ATP8A2: variants seen among roughly 807,000 people sequenced by gnomAD.
ATP8A2 encodes phospholipid-transporting ATPase IB.
A neutral mutation model predicts 165.6 loss-of-function variants in ATP8A2; 100 were observed. That is an observed-to-expected ratio of 0.60 (90% CI 0.51 to 0.71). ATP8A2 has a LOEUF of 0.71. Among genes scored for constraint, ATP8A2 ranks in the 30% least tolerant of loss-of-function variants. ATP8A2 has a pLI of 0.00. For synonymous variants in ATP8A2, 543 were observed against 548.8 expected, an observed-to-expected ratio of 0.99 and a Z score of 0.15; for missense variants, 1,227 against 1,479.5, an observed-to-expected ratio of 0.83 and a Z score of 2.80.
intron 23 of ATP8A2, among the ~76,000 whole-genome samples, chr13:25,582,423 T>C (rs527757872): frequency 6.6e-6 from 1 of 152,188 alleles, no homozygotes; most frequent in Non-Finnish European, 1.5e-5. Flanking sequence ...GAGATGAAAA[T>C]TGAAGAAAAG....
intron 2 of ATP8A2, among the ~76,000 whole-genome samples, chr13:25,511,680 T>C (rs1017843307): frequency 7.9e-5 from 12 of 152,208 alleles, no homozygotes; most frequent in Non-Finnish European, 4.4e-5. Flanking sequence ...TTTCTTCTTA[T>C]AAATAGGCTC....
intron 25 of ATP8A2, among the ~76,000 whole-genome samples, chr13:25,747,712 A>G (rs2044065212): frequency 6.6e-6 from 1 of 152,172 alleles, no homozygotes; most frequent in Non-Finnish European, 1.5e-5. Context: ...TAACAATTTC[A>G]TTTAACCTTT....
At chr13:26,002,271 A>G (rs1380221119) in intron 35 of ATP8A2, among the ~76,000 whole-genome samples, 4 of 152,286 alleles carry the variant, frequency 2.6e-5, no homozygotes, top group African/African-American at 7.2e-5. Context: ...TCATAGCAAC[A>G]TGGATGAAGC....
intron 33 of ATP8A2, among the ~76,000 whole-genome samples, chr13:25,877,018 A>G (rs1952836228): frequency 6.6e-6 from 1 of 151,948 alleles, no homozygotes; most frequent in Non-Finnish European, 1.5e-5. Context: ...CTACTTGGGG[A>G]TTTATTTTTA....
At chr13:25,995,520 T>A (rs533930046) in intron 35 of ATP8A2, among the ~76,000 whole-genome samples, 1 of 152,056 alleles carries the variant, frequency 6.6e-6, no homozygotes, top group African/African-American at 2.4e-5. Context: ...AATTCAGTAA[T>A]TTTTTATTTG....
chr13:25,479,016 T>G (rs1031751482), intron 2 of ATP8A2, among the ~76,000 whole-genome samples: 1 of 152,000 alleles, frequency 6.6e-6, no homozygotes, highest in Non-Finnish European at 1.5e-5. Flanking sequence ...CCTGGCTAAT[T>G]TTTTGTATTT....
intron 35 of ATP8A2, among the ~76,000 whole-genome samples, chr13:25,972,619 C>T (rs1955940559): frequency 6.6e-6 from 1 of 152,104 alleles, no homozygotes; most frequent in South Asian, 2.1e-4. Flanking sequence ...AAGCAGGAAC[C>T]CCCCCGCACC....
intron 24 of ATP8A2, among the ~76,000 whole-genome samples, chr13:25,682,895 A>G (rs2042523147): frequency 6.6e-6 from 1 of 152,158 alleles, no homozygotes; most frequent in Non-Finnish European, 1.5e-5. Flanking sequence ...TTTCACATAC[A>G]TTTATGGCCT....
At chr13:25,911,730 C>T (rs184004561) in intron 33 of ATP8A2, among the ~76,000 whole-genome samples, 1 of 152,268 alleles carries the variant, frequency 6.6e-6, no homozygotes, top group African/African-American at 2.4e-5. Context: ...CTTCGCTGCT[C>T]GTTTTATAGA....
At chr13:25,951,199 C>G (rs890020753) in intron 33 of ATP8A2, among the ~76,000 whole-genome samples, 5 of 152,180 alleles carry the variant, frequency 3.3e-5, no homozygotes, top group African/African-American at 1.2e-4. Flanking sequence ...AAATAGCAGC[C>G]TTATTCTTAA....
At chr13:25,470,965 A>G (rs1339713451) in intron 2 of ATP8A2, among the ~76,000 whole-genome samples, 1 of 152,080 alleles carries the variant, frequency 6.6e-6, no homozygotes, top group Non-Finnish European at 1.5e-5. Context: ...GGGAAGAGAG[A>G]AAAGGTTGGG....
At chr13:25,800,622 T>G (rs1289078874) in intron 27 of ATP8A2, among the ~76,000 whole-genome samples, 1 of 152,082 alleles carries the variant, frequency 6.6e-6, no homozygotes, top group Non-Finnish European at 1.5e-5. Flanking sequence ...GGAAGGAGAT[T>G]TGCTGAACTG....
At chr13:25,434,869 T>C (rs573980259) in intron 1 of ATP8A2, among the ~76,000 whole-genome samples, 1 of 152,322 alleles carries the variant, frequency 6.6e-6, no homozygotes, top group Non-Finnish European at 1.5e-5. Flanking sequence ...TCTATTGGTA[T>C]GGACATATCA....
intron 25 of ATP8A2, among the ~76,000 whole-genome samples, chr13:25,741,829 T>C (rs1420913730): frequency 6.6e-6 from 1 of 152,164 alleles, no homozygotes; most frequent in Non-Finnish European, 1.5e-5. Flanking sequence ...ATCTGCCCCT[T>C]TTAGATGCAT....
chr13:25,660,839 C>T lies in ATP8A2; in HGVS notation c.2212-38334C>T, dbSNP rs1386335905. Reference sequence around the variant, plus strand: ...GTGGAAATGCTGCTACTGGGGATCCCGGTTACCCCAAAAGGGACTCTTTCC... The same window carrying T: ...GTGGAAATGCTGCTACTGGGGATCCTGGTTACCCCAAAAGGGACTCTTTCC... On this transcript the variant is annotated intron_variant, in intron 24 of 36. Coordinates refer to ENST00000381655, the MANE Select transcript of ATP8A2 (RefSeq NM_016529.6). Among the ~76,000 whole-genome samples, 3 of 152,060 alleles carry T rather than the reference C, an allele frequency of 2.0e-5. No homozygotes were observed. In the East Asian group the frequency reaches 5.8e-4, roughly 29 times the overall value.
chr13:25,495,557 T>A (rs1259245503), intron 2 of ATP8A2, among the ~76,000 whole-genome samples: 1 of 151,684 alleles, frequency 6.6e-6, no homozygotes, highest in Non-Finnish European at 1.5e-5. Context: ...ACTCCTGGCT[T>A]CAAGCCCTCC....
In ATP8A2 at chr13:25,485,160, C is replaced by T. The variant is rs370127381; in HGVS notation, c.221+16039C>T. Among the ~76,000 whole-genome samples, 9 of 152,344 alleles carry T rather than the reference C, an allele frequency of 5.9e-5. No individual in the cohort carries two copies. The South Asian group carries it at 1.2e-3, about 21-fold the overall frequency. ...TGGTAAGGCAGAAACATGAACTTCT[C>T]TCAGTATCACTGTTTTGACTGTCAG... On this transcript the variant is annotated intron_variant, in intron 2 of 36. Transcript: ENST00000381655.
intron 24 of ATP8A2, among the ~76,000 whole-genome samples, chr13:25,644,318 A>G (rs1274103852): frequency 2.6e-5 from 4 of 152,100 alleles, no homozygotes; most frequent in African/African-American, 9.7e-5. Flanking sequence ...GTCTAATGAG[A>G]TCATATAGTT....
At chr13:25,707,958 G>A (rs1418512772) in intron 25 of ATP8A2, among the ~76,000 whole-genome samples, 1 of 152,156 alleles carries the variant, frequency 6.6e-6, no homozygotes, top group Non-Finnish European at 1.5e-5. Context: ...CATCCGCTCT[G>A]CAGCTTTCAA....
Sources: allele counts gnomAD v4.1 joint callset (sites outside exome capture counted in the v4.1 genomes callset), GRCh38; gene constraint gnomAD v4.1.1; transcripts MANE v1.5; gene names NCBI Gene and HGNC (gene_info 2026-07-23, HGNC 2026-07-21).